GDPD4: variants seen among roughly 807,000 people sequenced by gnomAD.
GDPD4 encodes the protein glycerophosphodiester phosphodiesterase domain containing 4.
GDPD4 carries 60 observed loss-of-function variants against 67.8 expected under a neutral mutation model. That is an observed-to-expected ratio of 0.88 (90% CI 0.72 to 1.10). The LOEUF is 1.10. GDPD4 is among the 50% of genes least tolerant of loss of function. The pLI, the probability that GDPD4 is intolerant of heterozygous loss-of-function variation, is 0.00. For synonymous variants in GDPD4, 212 were observed against 210.9 expected (o/e 1.00, Z -0.04); for missense variants, 623 against 613.9 (o/e 1.01, Z -0.16).
intron 10 of GDPD4, among the ~76,000 whole-genome samples, chr11:77,262,257 T>C (rs536383011): frequency 8.7e-4 from 132 of 152,238 alleles, no homozygotes; most frequent in African/African-American, 3.1e-3. Flanking sequence ...TACAAAGCAG[T>C]TTCATTCCTC....
chr11:77,228,135 C>G (rs1051723838), intron 15 of GDPD4, among the ~76,000 whole-genome samples: 5 of 152,038 alleles, frequency 3.3e-5, no homozygotes, highest in African/African-American at 1.2e-4. Flanking sequence ...CTTTGGGAGG[C>G]TGAGGCAGGC....
At chr11:77,270,888 T>C (rs1480671395) in intron 7 of GDPD4, 1 of 461,268 alleles carries the variant, frequency 2.2e-6, no homozygotes, top group Non-Finnish European at 3.8e-6. Flanking sequence ...ATCTTATTTT[T>C]CCAAAAAAAG....
intron 16 of GDPD4, among the ~76,000 whole-genome samples, chr11:77,223,173 G>A (rs186015824): frequency 8.9e-4 from 135 of 152,188 alleles, no homozygotes; most frequent in Admixed American, 3.4e-3. Flanking sequence ...TCCTCCTTTC[G>A]CTTGGAGAAG....
At chr11:77,267,384 A>T (rs1165938733) in intron 10 of GDPD4, among the ~76,000 whole-genome samples, 4 of 152,198 alleles carry the variant, frequency 2.6e-5, no homozygotes, top group Non-Finnish European at 5.9e-5. Flanking sequence ...TTTTTAAGTA[A>T]CTGCCAGACT....
intron 1 of GDPD4, among the ~76,000 whole-genome samples, chr11:77,290,046 G>A (rs1450457963): frequency 6.6e-6 from 1 of 152,100 alleles, no homozygotes; most frequent in Non-Finnish European, 1.5e-5. Context: ...CCAGATAGTG[G>A]AAGCTCAAAG....
chr11:77,258,357 G>C (rs1433784364), intron 11 of GDPD4, 29 bp downstream of exon 11: 1 of 1,609,664 alleles, frequency 6.2e-7, no homozygotes, highest in African/African-American at 1.3e-5. Flanking sequence ...ATTCAATGCA[G>C]GTTTGTGGAA....
At chr11:77,267,854 A>T (rs1484634333) in intron 10 of GDPD4, among the ~76,000 whole-genome samples, 1 of 152,072 alleles carries the variant, frequency 6.6e-6, no homozygotes, top group Non-Finnish European at 1.5e-5. Flanking sequence ...TCTGCTTGGT[A>T]AAATGGTATT....
rs962636456 is a variant in GDPD4, at chr11:77,216,973, C to T, written c.*304G>A. 3 of 702,964 alleles carry T rather than the reference C, an allele frequency of 4.3e-6. No homozygotes were observed. Among genetic ancestry groups the T allele is most frequent in the Non-Finnish European group, 7.8e-6 (3 of 385,000 alleles). The allele number at this position is 702,964 out of a possible 1,614,324, so 43.5% of individuals were successfully genotyped here. A position where few individuals can be genotyped will look rare whatever the true frequency, so the allele number is the denominator to read the frequency against. On this transcript the variant is annotated 3_prime_UTR_variant, in exon 17 of 17. Coordinates refer to ENST00000315938, the MANE Select transcript of GDPD4 (RefSeq NM_182833.3). The stretch of plus-strand genomic sequence containing the variant: ...GGACCTCTATGGAGGGCATGGTTGG[C>T]TTATCCACCTTCAGGGTGGGCAATG...
At chr11:77,241,195 A>C (rs934711217) in intron 13 of GDPD4, among the ~76,000 whole-genome samples, 10 of 152,232 alleles carry the variant, frequency 6.6e-5, no homozygotes, top group African/African-American at 2.4e-4. Flanking sequence ...CATCAAACAG[A>C]TGAATGGGTA....
intron 11 of GDPD4, among the ~76,000 whole-genome samples, chr11:77,256,915 G>A (rs1041395167): frequency 6.6e-6 from 1 of 152,118 alleles, no homozygotes; most frequent in African/African-American, 2.4e-5. Context: ...AAATTACCCA[G>A]TCTCAGGTAT....
chr11:77,228,098 C>T (rs752759552), intron 15 of GDPD4, among the ~76,000 whole-genome samples, 182 bp from the exon 16 acceptor site: 9 of 152,112 alleles, frequency 5.9e-5, no homozygotes, highest in Admixed American at 1.3e-4. Flanking sequence ...GGGCGAGGCA[C>T]GGTGGCTCAC....
intron 14 of GDPD4, among the ~76,000 whole-genome samples, chr11:77,232,606 C>T (rs946245528): frequency 6.6e-6 from 1 of 152,220 alleles, no homozygotes; most frequent in African/African-American, 2.4e-5. Flanking sequence ...TTTCTCCCCA[C>T]TCTCCATGCC....
In GDPD4 at chr11:77,268,457, C is replaced by G; in HGVS notation, c.707G>C (p.Ser236Thr). The G allele has an allele frequency of 1.2e-6, 2 of 1,606,116 alleles. No homozygotes were observed. The highest frequency in any genetic ancestry group is 1.3e-5 in the African/African-American group (1 of 74,674). ...TCACCCCAGTTCCCTGCTTTCTTACCTTAAGTGTATATCAGTCTCCAATCC... is the reference window on the plus strand; with the variant it reads ...TCACCCCAGTTCCCTGCTTTCTTACGTTAAGTGTATATCAGTCTCCAATCC... ...AHGLETDIHLSYDHVPFLMHD... is the reference protein window; with the variant it reads ...AHGLETDIHLTYDHVPFLMHD... The change falls in exon 10 of 17, where the codon AGT (serine) becomes ACT (threonine). Residue 236 changes from serine (S) to threonine (T), a missense_variant and splice_region_variant. By Grantham distance (58) the Ser-to-Thr change is moderately conservative. Coordinates refer to ENST00000315938, the MANE Select transcript of GDPD4 (RefSeq NM_182833.3).
intron 16 of GDPD4, 43 bp from the exon 17 acceptor site, chr11:77,217,357 C>G: frequency 2.8e-6 from 4 of 1,452,336 alleles, no homozygotes; most frequent in South Asian, 2.3e-5. Context: ...TGTCACTTCT[C>G]CACTCTCTGT....
chr11:77,234,428 G>A (rs1591534284), intron 13 of GDPD4, among the ~76,000 whole-genome samples: 1 of 152,148 alleles, frequency 6.6e-6, no homozygotes, highest in East Asian at 1.9e-4. Flanking sequence ...ATGATACTGA[G>A]GTTTGAATCT....
chr11:77,267,426 C>T (rs1959183167), intron 10 of GDPD4, among the ~76,000 whole-genome samples: 1 of 152,194 alleles, frequency 6.6e-6, no homozygotes. Context: ...TTTATGTTTC[C>T]ACCAGGAACA....
Position 77,249,154 on chromosome 11 carries a change from T to G in GDPD4, c.865-3652A>C, listed in dbSNP as rs541662192. Among the ~76,000 whole-genome samples, 550 of 149,618 alleles carry G rather than the reference T, an allele frequency of 3.7e-3. 2 individuals carry two copies. Among genetic ancestry groups the G allele is most frequent in the Non-Finnish European group, 6.5e-3 (442 of 67,658 alleles). Reference sequence around the variant, plus strand: ...GGTGGTGTGTGCCTGTAGTCCCAGCTACTCGAGAGGCTGAGGCAGGAGAAT... The same window carrying G: ...GGTGGTGTGTGCCTGTAGTCCCAGCGACTCGAGAGGCTGAGGCAGGAGAAT... On this transcript the variant is annotated intron_variant, in intron 11 of 16. Coordinates refer to ENST00000315938, the MANE Select transcript of GDPD4 (RefSeq NM_182833.3).
chr11:77,222,321 G>A (rs1041852899), intron 16 of GDPD4, among the ~76,000 whole-genome samples: 49 of 152,000 alleles, frequency 3.2e-4, no homozygotes, highest in Non-Finnish European at 2.8e-4. Context: ...TAGCTTTGAC[G>A]GTCTTTACAG....
intron 1 of GDPD4, among the ~76,000 whole-genome samples, chr11:77,298,510 T>A (rs1670444): frequency 0.19 from 28,986 of 151,966 alleles, 3,643 homozygotes; most frequent in Non-Finnish European, 0.27. Flanking sequence ...AAAATTTTTT[T>A]TAAAAACATT....
Sources: allele counts gnomAD v4.1 joint callset (sites outside exome capture counted in the v4.1 genomes callset), GRCh38; gene constraint gnomAD v4.1.1; transcripts MANE v1.5; gene names NCBI Gene and HGNC (gene_info 2026-07-23, HGNC 2026-07-21).